The following ATRNL1 variants were observed in gnomAD, a reference collection of about 807,000 sequenced individuals.
ATRNL1 encodes the protein attractin like 1.
ATRNL1 carries 95 observed loss-of-function variants against 182.7 expected under a neutral mutation model. That is an observed-to-expected ratio of 0.52 (90% CI 0.44 to 0.62). The LOEUF (loss-of-function observed/expected upper bound fraction) is 0.62. Ranked by LOEUF, ATRNL1 falls within the 20% of genes least tolerant of loss-of-function variation. The pLI is 0.00. For synonymous variants in ATRNL1, 576 were observed against 568.3 expected, an observed-to-expected ratio of 1.01 and a Z score of -0.19; for missense variants, 1,471 against 1,679.5, an observed-to-expected ratio of 0.88 and a Z score of 2.17.
chr10:115,267,919 G>T (rs1712148673), intron 12 of ATRNL1, among the ~76,000 whole-genome samples: 1 of 152,020 alleles, frequency 6.6e-6, no homozygotes, highest in South Asian at 2.1e-4. Flanking sequence ...GTGCCACTAT[G>T]CCTGGCTAAT....
chr10:115,680,822 C>T (rs187792819), intron 26 of ATRNL1, among the ~76,000 whole-genome samples: 1 of 152,062 alleles, frequency 6.6e-6, no homozygotes, highest in East Asian at 1.9e-4. Context: ...AAGTGGTATC[C>T]TTGAAGTGTA....
intron 26 of ATRNL1, among the ~76,000 whole-genome samples, chr10:115,639,559 G>A (rs1408759213): frequency 6.6e-6 from 1 of 152,188 alleles, no homozygotes; most frequent in Non-Finnish European, 1.5e-5. Flanking sequence ...AGTTGAGAAG[G>A]TAAAGGTAAA....
chr10:115,761,866 C>T (rs1555073702), intron 27 of ATRNL1, among the ~76,000 whole-genome samples: 1 of 152,066 alleles, frequency 6.6e-6, no homozygotes, highest in Non-Finnish European at 1.5e-5. Context: ...GGTAAAACAC[C>T]TAGGATACTA....
chr10:115,163,346 C>A, intron 6 of ATRNL1, among the ~76,000 whole-genome samples: 1 of 146,906 alleles, frequency 6.8e-6, no homozygotes, highest in South Asian at 2.2e-4. Context: ...TTTATTTTTT[C>A]TTTTATTTTC....
At chr10:115,424,124 A>C (rs1845771782) in intron 20 of ATRNL1, among the ~76,000 whole-genome samples, 1 of 152,204 alleles carries the variant, frequency 6.6e-6, no homozygotes, top group African/African-American at 2.4e-5. Context: ...AAAAGATCTG[A>C]ATAGACATTT....
intron 25 of ATRNL1, among the ~76,000 whole-genome samples, chr10:115,527,992 CCCTCCCTT>C (rs1378865765): frequency 0.29 from 14,089 of 48,122 alleles, 2,191 homozygotes; most frequent in African/African-American, 0.33. Flanking sequence ...CTCCCTCCCT[CCCTCCCTT>C]CCTTCCTTCC....
chr10:115,223,929 A>ATTT (rs1223695295), intron 9 of ATRNL1, among the ~76,000 whole-genome samples: 45 of 44,724 alleles, frequency 1.0e-3, no homozygotes, highest in Admixed American at 1.4e-3. Flanking sequence ...ATATATATAT[A>ATTT]TTTTTTTTTT....
intron 19 of ATRNL1, among the ~76,000 whole-genome samples, chr10:115,363,108 A>T (rs1214997604): frequency 1.4e-5 from 2 of 147,192 alleles, no homozygotes; most frequent in Non-Finnish European, 3.0e-5. Context: ...TGACTTCCAC[A>T]ATGGTTGAAC....
intron 26 of ATRNL1, among the ~76,000 whole-genome samples, chr10:115,627,774 A>G (rs1174436746): frequency 6.6e-6 from 1 of 152,142 alleles, no homozygotes; most frequent in Non-Finnish European, 1.5e-5. Context: ...ACACGAGTGT[A>G]TTTGTTTGAT....
intron 1 of ATRNL1, among the ~76,000 whole-genome samples, chr10:115,113,135 T>A (rs782414826): frequency 8.5e-4 from 129 of 152,222 alleles, no homozygotes; most frequent in Non-Finnish European, 1.1e-3. Context: ...AGAGCGAAGG[T>A]CATGGCAGCA....
intron 26 of ATRNL1, among the ~76,000 whole-genome samples, chr10:115,571,508 C>T (rs537658556): frequency 6.6e-6 from 1 of 152,288 alleles, no homozygotes; most frequent in African/African-American, 2.4e-5. Context: ...TTGAATTACC[C>T]ATCCAGACAC....
At chr10:115,260,606 G>A (rs1554908542) in intron 10 of ATRNL1, among the ~76,000 whole-genome samples, 1 of 151,768 alleles carries the variant, frequency 6.6e-6, no homozygotes, top group East Asian at 1.9e-4. Context: ...CAAACGAGTA[G>A]GAAAAAATAA....
rs929941005 is a variant in ATRNL1, at chr10:115,134,595, A to C, written c.829+5060A>C. Among the ~76,000 whole-genome samples the C allele has an allele frequency of 2.2e-4, 33 of 152,290 alleles. No homozygotes were observed. The South Asian group carries it at 3.5e-3, about 16-fold the overall frequency. On this transcript the variant is annotated intron_variant, in intron 5 of 28. Coordinates refer to ENST00000355044, the MANE Select transcript of ATRNL1 (RefSeq NM_207303.4). ...GACCAGACGGATTCACAGGTGAATTATACCAGAGGTACAAGGAGGAGCTGG... is the reference window on the plus strand; with the variant it reads ...GACCAGACGGATTCACAGGTGAATTCTACCAGAGGTACAAGGAGGAGCTGG...
At position 115,394,666 on chromosome 10, in the gene ATRNL1, A is replaced by C. The variant is rs138721372; in HGVS notation, c.3183A>C (p.Thr1061=). The C allele has an allele frequency of 1.9e-6, 3 of 1,611,292 alleles. No homozygotes were observed. The highest frequency in any genetic ancestry group is 2.5e-6 in the Non-Finnish European group (3 of 1,178,094). The change falls in exon 20 of 29, where the codon ACA becomes ACC. Residue 1061 remains threonine, a synonymous_variant. Coordinates refer to ENST00000355044, the MANE Select transcript of ATRNL1 (RefSeq NM_207303.4). Reference sequence around the variant, plus strand: ...TTTGGTTTTGACTTACAGCTTGTACATGCAGTGGCCATGCAAATATCTGTC... The same window carrying C: ...TTTGGTTTTGACTTACAGCTTGTACCTGCAGTGGCCATGCAAATATCTGTC... ...PTNGGQCTAC[T]CSGHANICHL... is the part of the protein sequence containing the mutation.
intron 26 of ATRNL1, among the ~76,000 whole-genome samples, chr10:115,624,267 T>A (rs986910057): frequency 9.2e-5 from 14 of 151,954 alleles, no homozygotes; most frequent in Non-Finnish European, 1.5e-4. Context: ...TTATAATAAT[T>A]ATGCCTCCTA....
chr10:115,108,016 T>C (rs1844093061), intron 1 of ATRNL1, among the ~76,000 whole-genome samples: 3 of 152,200 alleles, frequency 2.0e-5, no homozygotes, highest in Admixed American at 2.0e-4. Context: ...TCTTGATGAA[T>C]AGCACGTGAC....
chr10:115,436,229 T>C (rs1398984904), intron 21 of ATRNL1, among the ~76,000 whole-genome samples: 4 of 152,142 alleles, frequency 2.6e-5, no homozygotes, highest in Non-Finnish European at 5.9e-5. Context: ...CCATTCATCA[T>C]TGCAGGATAA....
intron 26 of ATRNL1, among the ~76,000 whole-genome samples, chr10:115,671,363 A>G (rs1179403462): frequency 6.6e-6 from 1 of 152,166 alleles, no homozygotes; most frequent in Non-Finnish European, 1.5e-5. Context: ...AAGAAAAAGT[A>G]ATGGATAGAG....
intron 26 of ATRNL1, among the ~76,000 whole-genome samples, chr10:115,624,446 T>G (rs1273745055): frequency 6.6e-6 from 1 of 152,124 alleles, no homozygotes; most frequent in Admixed American, 6.5e-5. Flanking sequence ...ATATTAACAT[T>G]ATTGGAATGA....
Sources: allele counts gnomAD v4.1 joint callset (sites outside exome capture counted in the v4.1 genomes callset), GRCh38; gene constraint gnomAD v4.1.1; transcripts MANE v1.5; gene names NCBI Gene and HGNC (gene_info 2026-07-23, HGNC 2026-07-21).